The following ABLIM3 variants were observed in gnomAD, a reference collection of about 807,000 sequenced individuals.
ABLIM3 encodes the protein actin binding LIM protein family member 3.
Under a neutral mutation model 109.5 loss-of-function variants are expected in ABLIM3, and 61 were observed. The ratio of observed to expected loss-of-function variants is 0.56; its 90% CI spans 0.45 to 0.69. The LOEUF (loss-of-function observed/expected upper bound fraction) is 0.69. ABLIM3 is among the 30% of genes least tolerant of loss of function. ABLIM3 has a pLI of 0.00. For missense variants in ABLIM3, 796 were observed against 889.5 expected, an observed-to-expected ratio of 0.89 and a Z score of 1.34; for synonymous variants, 300 against 324.8, an observed-to-expected ratio of 0.92 and a Z score of 0.82.
intron 10 of ABLIM3, 42 bp from the exon 11 acceptor site, chr5:149,237,406 T>C (rs749738804): frequency 6.3e-7 from 1 of 1,599,946 alleles, no homozygotes; most frequent in Non-Finnish European, 8.5e-7. Context: ...CTTTTCCCTC[T>C]TATCTTTCTA....
chr5:149,176,873 C>T (rs1755980348), intron 2 of ABLIM3: 1 of 152,192 alleles, frequency 6.6e-6, no homozygotes, highest in African/African-American at 2.4e-5. Context: ...GATAATGTAG[C>T]CTCTTATGAA....
At chr5:149,254,540 G>T (rs1273507965) in intron 23 of ABLIM3, among the ~76,000 whole-genome samples, 2 of 152,176 alleles carry the variant, frequency 1.3e-5, no homozygotes, top group African/African-American at 4.8e-5. Flanking sequence ...AGCTGCCCTT[G>T]ACTTGATGGC....
At chr5:149,242,995 G>A (rs1164347233) in intron 15 of ABLIM3, among the ~76,000 whole-genome samples, 1 of 152,208 alleles carries the variant, frequency 6.6e-6, no homozygotes, top group Admixed American at 6.5e-5. Flanking sequence ...CCCAACTTGG[G>A]AACCCCTGCT....
intron 2 of ABLIM3, among the ~76,000 whole-genome samples, chr5:149,160,794 C>T (rs189150833): frequency 1.3e-3 from 203 of 152,334 alleles, no homozygotes; most frequent in African/African-American, 4.6e-3. Flanking sequence ...GCTGGGGGTT[C>T]TGTGTGCACC....
chr5:149,206,679 T>C (rs991753494), intron 5 of ABLIM3, among the ~76,000 whole-genome samples: 10 of 152,156 alleles, frequency 6.6e-5, no homozygotes, highest in African/African-American at 2.4e-4. Context: ...ACGCTGCAGA[T>C]GGCAAGGTCA....
At chr5:149,154,161 G>T (rs114464628) in intron 2 of ABLIM3, among the ~76,000 whole-genome samples, 1 of 152,292 alleles carries the variant, frequency 6.6e-6, no homozygotes, top group East Asian at 1.9e-4. Context: ...TGCAAGTCAC[G>T]CTCAGCTTGC....
chr5:149,180,877 G>T (rs1581063091), intron 2 of ABLIM3, among the ~76,000 whole-genome samples: 1 of 152,050 alleles, frequency 6.6e-6, no homozygotes, highest in South Asian at 2.1e-4. Flanking sequence ...TATCCGGGTG[G>T]TTCAAAGACT....
At chr5:149,247,702 CTCAGCCTTGCCCAAGCCCGTTCCA>C in intron 17 of ABLIM3, 56 bp from the exon 18 acceptor site, 1 of 1,585,458 alleles carries the variant, frequency 6.3e-7, no homozygotes, top group Non-Finnish European at 8.6e-7. Flanking sequence ...GGATGTGATC[CTCAGCCTTGCCCAAGCCCGTTCCA>C]TCTCAGTGTC....
chr5:149,252,425 TG>T (rs2127574414), intron 22 of ABLIM3: 1 of 574,330 alleles, frequency 1.7e-6, no homozygotes, highest in East Asian at 2.9e-5. Context: ...ATACTCTCCC[TG>T]GGCTTCAGAG....
intron 3 of ABLIM3, among the ~76,000 whole-genome samples, chr5:149,186,427 T>A (rs937047059): frequency 1.1e-4 from 16 of 151,880 alleles, no homozygotes; most frequent in Admixed American, 7.9e-4. Context: ...AAAAAAAAAA[T>A]TATGAAAAAT....
intron 18 of ABLIM3, 130 bp downstream of exon 18, chr5:149,248,059 C>A: frequency 1.7e-6 from 2 of 1,210,326 alleles, no homozygotes; most frequent in Non-Finnish European, 2.3e-6. Context: ...TTCTTCCTCA[C>A]AGCAGCCCTG....
At chr5:149,155,188 C>A (rs543430739) in intron 2 of ABLIM3, among the ~76,000 whole-genome samples, 59 of 152,328 alleles carry the variant, frequency 3.9e-4, no homozygotes, top group African/African-American at 1.4e-3. Flanking sequence ...CCCTGCTCCT[C>A]CTTTTTACCA....
intron 5 of ABLIM3, among the ~76,000 whole-genome samples, chr5:149,203,271 C>G (rs1245155254): frequency 2.6e-5 from 4 of 151,886 alleles, no homozygotes; most frequent in Non-Finnish European, 5.9e-5. Context: ...CTGCCACCAC[C>G]AATACAATCA....
At chr5:149,247,637 G>A (rs900049644) in intron 17 of ABLIM3, 145 bp from the exon 18 acceptor site, 11 of 1,030,880 alleles carry the variant, frequency 1.1e-5, no homozygotes, top group Non-Finnish European at 1.5e-5. Flanking sequence ...AAACATGGGT[G>A]CCACAAGGTG....
chr5:149,251,395 A>T lies in ABLIM3; in HGVS notation c.1825A>T (p.Asn609Tyr), dbSNP rs376028199. The change falls in exon 21 of 24, where the codon AAC becomes TAC. Residue 609 changes from asparagine to tyrosine, a missense_variant. Transcript: ENST00000309868. ...AGACCTCTTCCACTACGACAGCATG[A>T]ACGCAGTCAACTGGGGCATGCGAGG... ...SADLFHYDSM[N>Y]AVNWGMREYK... The T allele has an allele frequency of 1.7e-5, 27 of 1,614,014 alleles. No homozygotes were observed. Among genetic ancestry groups the T allele is most frequent in the Non-Finnish European group, 2.5e-6 (3 of 1,180,008 alleles).
rs1561577152 is a variant in ABLIM3 at position 149,198,194 on chromosome 5, C to T, written c.152-25C>T. 1 of 1,598,278 alleles carries T rather than the reference C, an allele frequency of 6.3e-7. No homozygotes were observed. Among genetic ancestry groups the T allele is most frequent in the South Asian group, 1.1e-5 (1 of 88,478 alleles). ...AGACCCTCCCTGGACTCAACCTGCC[C>T]TTGTTTTCCTCCTTGTTCCCCAAGT... is the stretch of plus-strand genomic sequence containing the variant. On this transcript the variant is annotated intron_variant, in intron 3 of 23. Coordinates refer to ENST00000309868, the MANE Select transcript of ABLIM3 (RefSeq NM_014945.5). This position sits in a 1 kb window ranked among gnomAD's most constrained non-coding sequence, Gnocchi z 4.2.
intron 8 of ABLIM3, among the ~76,000 whole-genome samples, chr5:149,226,445 C>T (rs888614100): frequency 1.3e-5 from 2 of 152,038 alleles, no homozygotes; most frequent in South Asian, 4.1e-4. Flanking sequence ...GATCACACCA[C>T]TCCCCTCCAG....
intron 3 of ABLIM3, among the ~76,000 whole-genome samples, chr5:149,195,794 A>G (rs552234090): frequency 2.0e-5 from 3 of 152,326 alleles, no homozygotes; most frequent in East Asian, 1.9e-4. Context: ...ATGAATTTTC[A>G]TAATGCCTGA....
intron 2 of ABLIM3, among the ~76,000 whole-genome samples, chr5:149,153,050 G>T: frequency 6.6e-6 from 1 of 152,042 alleles, no homozygotes; most frequent in African/African-American, 2.4e-5. Context: ...TTCATGAAAA[G>T]CCCACTCTCT....
Sources: allele counts gnomAD v4.1 joint callset (sites outside exome capture counted in the v4.1 genomes callset), GRCh38; gene constraint gnomAD v4.1.1; non-coding constraint Gnocchi (gnomAD v3.1); transcripts MANE v1.5; gene names NCBI Gene and HGNC (gene_info 2026-07-23, HGNC 2026-07-21).